The following RPS6KA5 variants were observed in gnomAD, a reference collection of about 807,000 sequenced individuals.
RPS6KA5 encodes ribosomal protein S6 kinase alpha-5.
A neutral mutation model predicts 85.5 loss-of-function variants in RPS6KA5; 27 were observed. That is an observed-to-expected ratio of 0.32 (90% confidence interval 0.23 to 0.44). RPS6KA5 has a LOEUF of 0.44. Among genes scored for constraint, RPS6KA5 ranks in the 20% least tolerant of loss-of-function variants. The pLI is 1.00. For missense variants in RPS6KA5, 811 were observed against 980.9 expected (o/e 0.83, Z 2.31); for synonymous variants, 334 against 348.2 (o/e 0.96, Z 0.46).
chr14:90,914,816 T>G (rs1234644631), intron 7 of RPS6KA5, among the ~76,000 whole-genome samples: 1 of 152,208 alleles, frequency 6.6e-6, no homozygotes, highest in Non-Finnish European at 1.5e-5. Context: ...CTCCTTGCCA[T>G]CCCCTCCTGC....
intron 2 of RPS6KA5, among the ~76,000 whole-genome samples, chr14:90,983,574 C>G (rs1474880106): frequency 6.6e-6 from 1 of 151,010 alleles, no homozygotes; most frequent in African/African-American, 2.4e-5. Flanking sequence ...GCACTCCAGC[C>G]TGGGCAACAG....
chr14:91,011,636 T>C (rs1299833479), intron 1 of RPS6KA5, among the ~76,000 whole-genome samples: 1 of 152,232 alleles, frequency 6.6e-6, no homozygotes, highest in East Asian at 1.9e-4. Context: ...TACTGTCTTA[T>C]TAGACCACTT....
At chr14:90,891,299 A>C (rs986603326) in intron 13 of RPS6KA5, among the ~76,000 whole-genome samples, 1 of 150,998 alleles carries the variant, frequency 6.6e-6, no homozygotes, top group Non-Finnish European at 1.5e-5. Context: ...TGAAGAAGAC[A>C]TGGTAGAGAC....
intron 9 of RPS6KA5, among the ~76,000 whole-genome samples, chr14:90,901,330 G>A (rs1039483255): frequency 3.3e-5 from 5 of 151,940 alleles, no homozygotes; most frequent in Non-Finnish European, 5.9e-5. Context: ...AACCCACCTC[G>A]GCCTCCAAAA....
chr14:90,920,244 A>G lies in RPS6KA5; in HGVS notation c.768T>C (p.Thr256=). 6.2e-7 allele frequency: 1 copy of G among 1,612,376 alleles called. No individual in the cohort carries two copies. The highest frequency in any genetic ancestry group is 8.5e-7 in the Non-Finnish European group (1 of 1,178,832). ...YELLTGASPF[T]VDGEKNSQAE... is the part of the protein sequence containing the mutation. ...CTTGGGAATTTTTTTCTCCATCAAC[A>G]GTGAAAGGAGATGCTCCAGTTAGTA... The change falls in exon 7 of 17, where the codon ACT becomes ACC. Residue 256 remains threonine (T), a synonymous_variant. Coordinates refer to ENST00000614987, the MANE Select transcript of RPS6KA5 (RefSeq NM_004755.4).
chr14:90,954,407 T>C (rs1464075247), intron 3 of RPS6KA5, among the ~76,000 whole-genome samples: 1 of 152,154 alleles, frequency 6.6e-6, no homozygotes, highest in Non-Finnish European at 1.5e-5. Context: ...GTTTTGTTTG[T>C]TTTTTGTTTC....
chr14:90,898,575 C>T (rs1453640046), intron 12 of RPS6KA5, among the ~76,000 whole-genome samples: 4 of 152,196 alleles, frequency 2.6e-5, no homozygotes, highest in African/African-American at 9.7e-5. Flanking sequence ...TTCAAAATCT[C>T]AGTTTCTTTA....
chr14:91,032,968 G>A (rs1297135582), intron 1 of RPS6KA5, among the ~76,000 whole-genome samples: 3 of 151,858 alleles, frequency 2.0e-5, no homozygotes, highest in Admixed American at 6.6e-5. Context: ...TCAGGAGATC[G>A]AGACCAGGAG....
intron 2 of RPS6KA5, among the ~76,000 whole-genome samples, chr14:90,980,032 A>G (rs1359704041): frequency 6.6e-6 from 1 of 152,240 alleles, no homozygotes; most frequent in Non-Finnish European, 1.5e-5. Context: ...AAAGTTCACA[A>G]AGGTTTGTGT....
At chr14:90,919,324 C>T (rs773447418) in intron 7 of RPS6KA5, among the ~76,000 whole-genome samples, 1 of 152,192 alleles carries the variant, frequency 6.6e-6, no homozygotes, top group Non-Finnish European at 1.5e-5. Flanking sequence ...CCTTCACTTC[C>T]AGATGTCCAA....
intron 13 of RPS6KA5, among the ~76,000 whole-genome samples, chr14:90,892,704 C>T (rs1167243811): frequency 6.6e-6 from 1 of 152,150 alleles, no homozygotes; most frequent in Non-Finnish European, 1.5e-5. Context: ...ACATAGCTAC[C>T]TACCAAAAGA....
rs2043028831 is a variant in RPS6KA5, at chr14:91,050,425, T to C, written c.103+9907A>G. Among the ~76,000 whole-genome samples the C allele has an allele frequency of 2.7e-5, 4 of 150,564 alleles. No homozygotes were observed. In the South Asian group the frequency reaches 8.3e-4, roughly 31 times the overall value. ...AAAAACAAAGCATCTTATTGGCTTG[T>C]TTTTTGTTTGTTTGTTTGTTTTTGG... On this transcript the variant is annotated intron_variant, in intron 1 of 16. Transcript: ENST00000614987.
intron 2 of RPS6KA5, among the ~76,000 whole-genome samples, chr14:90,997,164 C>G: frequency 6.6e-6 from 1 of 152,136 alleles, no homozygotes; most frequent in East Asian, 1.9e-4. Flanking sequence ...AGATTTCTTC[C>G]TGTTTTAAAA....
chr14:90,985,401 C>T (rs1036935885), intron 2 of RPS6KA5, among the ~76,000 whole-genome samples: 7 of 152,302 alleles, frequency 4.6e-5, no homozygotes, highest in African/African-American at 1.4e-4. Context: ...CAACCACGAG[C>T]CAGGAATAAG....
rs2033388827 is a variant in RPS6KA5 at position 90,875,339 on chromosome 14, C to T, written c.1858G>A (p.Val620Ile). Residue 620 changes from valine (V) to isoleucine (I), a missense_variant, in exon 15 of 17, where the codon GTT becomes ATT. Transcript: ENST00000614987. The stretch of plus-strand genomic sequence containing the variant: ...CTTCGGTCATGAGATTGGAAGGGAA[C>T]CTGTCCTGACAACATTGTGTACTAT... ...VILYTMLSGQ[V>I]PFQSHDRSLT... 1.2e-6 allele frequency: 2 copies of T among 1,613,750 alleles called. No individual in the cohort carries two copies. Among genetic ancestry groups the T allele is most frequent in the Non-Finnish European group, 1.7e-6 (2 of 1,179,788 alleles).
intron 3 of RPS6KA5, among the ~76,000 whole-genome samples, chr14:90,973,138 A>C (rs772784965): frequency 5.3e-5 from 8 of 152,224 alleles, no homozygotes; most frequent in Non-Finnish European, 8.8e-5. Context: ...TGTATTTGGC[A>C]AAATTAGAGA....
chr14:91,020,901 C>A (rs141020323), intron 1 of RPS6KA5, among the ~76,000 whole-genome samples: 207 of 152,074 alleles, frequency 1.4e-3, no homozygotes, highest in African/African-American at 4.8e-3. Context: ...GTTTCACTGG[C>A]ACTTCATCAT....
intron 3 of RPS6KA5, among the ~76,000 whole-genome samples, chr14:90,976,112 A>T (rs1021319350): frequency 6.6e-6 from 1 of 151,124 alleles, no homozygotes; most frequent in Non-Finnish European, 1.5e-5. Flanking sequence ...TTTCACTCTT[A>T]TCTATTTACT....
chr14:90,917,403 T>C (rs2036175017), intron 7 of RPS6KA5, among the ~76,000 whole-genome samples: 1 of 152,164 alleles, frequency 6.6e-6, no homozygotes, highest in Admixed American at 6.5e-5. Flanking sequence ...ACATACAAAG[T>C]ATATAATTTT....
Sources: allele counts gnomAD v4.1 joint callset (sites outside exome capture counted in the v4.1 genomes callset), GRCh38; gene constraint gnomAD v4.1.1; transcripts MANE v1.5; gene names NCBI Gene and HGNC (gene_info 2026-07-23, HGNC 2026-07-21).